Variants in TNN observed in about 807,000 individuals in gnomAD.
TNN encodes the protein tenascin-N.
TNN carries 122 observed loss-of-function variants against 134.4 expected under a neutral mutation model. The ratio of observed to expected loss-of-function variants is 0.91; its 90% CI spans 0.78 to 1.06. The LOEUF (loss-of-function observed/expected upper bound fraction) is 1.06, where lower values mean the gene tolerates loss of function less well. Ranked by LOEUF, TNN falls within the 50% of genes least tolerant of loss-of-function variation. The pLI, the probability that TNN is intolerant of heterozygous loss-of-function variation, is 0.00. For missense variants in TNN, 1,739 were observed against 1,699.4 expected (o/e 1.02, Z -0.41); for synonymous variants, 710 against 670.3 (o/e 1.06, Z -0.91).
intron 17 of TNN, among the ~76,000 whole-genome samples, chr1:175,141,185 A>T (rs1675936876): frequency 6.6e-6 from 1 of 152,200 alleles, no homozygotes; most frequent in African/African-American, 2.4e-5. Context: ...TTAGTTTCTG[A>T]TTCTGAGTCT....
At chr1:175,108,921 G>A (rs531776334) in intron 9 of TNN, among the ~76,000 whole-genome samples, 204 of 152,166 alleles carry the variant, frequency 1.3e-3, no homozygotes, top group Non-Finnish European at 2.2e-3. Context: ...GTAGTGGTGG[G>A]CTGAAGGGCT....
At position 175,116,971 on chromosome 1, in the gene TNN, C is replaced by G; in HGVS notation, c.2152C>G (p.Arg718Gly). 5.0e-6 allele frequency: 8 copies of G among 1,614,192 alleles called. No homozygotes were observed. Among genetic ancestry groups the G allele is most frequent in the Non-Finnish European group, 6.8e-6 (8 of 1,180,042 alleles). ...CAGCCCCCAAAACCTGGTGACCGAC[C>G]GGGTGACAGAGAATATGGCCACTGT... Reference protein sequence around the residue: ...IDSPQNLVTDRVTENMATVSW... With the variant: ...IDSPQNLVTDGVTENMATVSW... Residue 718 changes from arginine (R) to glycine (G), a missense_variant, in exon 10 of 19, where the codon CGG (arginine) becomes GGG (glycine). Coordinates refer to ENST00000239462, the MANE Select transcript of TNN (RefSeq NM_022093.2).
intron 2 of TNN, among the ~76,000 whole-genome samples, chr1:175,078,916 T>G (rs1482968028): frequency 6.6e-6 from 1 of 152,072 alleles, no homozygotes; most frequent in African/African-American, 2.4e-5. Flanking sequence ...TGGATCTCAC[T>G]TTCCCCCCAG....
At chr1:175,108,483 T>C (rs531740029) in intron 9 of TNN, among the ~76,000 whole-genome samples, 10 of 152,322 alleles carry the variant, frequency 6.6e-5, no homozygotes, top group African/African-American at 2.2e-4. Flanking sequence ...GGGTGGTCGA[T>C]GGGACTGGGC....
chr1:175,141,059 G>A (rs924555713), intron 17 of TNN, among the ~76,000 whole-genome samples: 1 of 152,246 alleles, frequency 6.6e-6, no homozygotes, highest in East Asian at 1.9e-4. Flanking sequence ...CTTAAGGCTT[G>A]CTCCCCACTC....
At position 175,147,222 on chromosome 1, in the gene TNN, T is replaced by A; in HGVS notation, c.*151T>A. ...TCAAGCCATGGAGGTTCCTTCCCTC[T>A]CACCTGCATTTTTGCCCGTCTTTAT... On this transcript the variant is annotated 3_prime_UTR_variant, in exon 19 of 19. Transcript: ENST00000239462. 1.3e-6 allele frequency: 1 copy of A among 756,150 alleles called. No homozygotes were observed. The highest frequency in any genetic ancestry group is 1.9e-6 in the Non-Finnish European group (1 of 525,732). 46.8% of individuals were successfully genotyped at this position (756,150 alleles called of 1,614,324 possible).
In TNN at chr1:175,147,055, G is replaced by A. The variant is rs754751918; in HGVS notation, c.3884G>A (p.Arg1295Lys). 6.3e-7 allele frequency: 1 copy of A among 1,582,864 alleles called. No homozygotes were observed. The highest frequency in any genetic ancestry group is 2.2e-5 in the East Asian group (1 of 44,464). ...LGRKKRTLRG[R>K]LRTF ...AGAAAGAAGCGGACGCTGAGAGGAAGGCTGCGAACGTTCTGATGGCCCGTG... is the reference window on the plus strand; with the variant it reads ...AGAAAGAAGCGGACGCTGAGAGGAAAGCTGCGAACGTTCTGATGGCCCGTG... The change falls in exon 19 of 19, where the codon AGG (arginine) becomes AAG (lysine). Residue 1295 changes from arginine (R) to lysine (K), a missense_variant. By Grantham distance (26) the Arg-to-Lys change is conservative. Coordinates refer to ENST00000239462, the MANE Select transcript of TNN (RefSeq NM_022093.2).
At chr1:175,094,659 T>G (rs1228814808) in intron 7 of TNN, among the ~76,000 whole-genome samples, 1 of 152,228 alleles carries the variant, frequency 6.6e-6, no homozygotes, top group African/African-American at 2.4e-5. Flanking sequence ...TGGAAATAGT[T>G]TGCATCCTAA....
rs1674306784 is a variant in TNN at position 175,085,613 on chromosome 1, G to A, written c.1324+119G>A. 7 of 743,898 alleles carry A rather than the reference G, an allele frequency of 9.4e-6. No homozygotes were observed. In the South Asian group the frequency reaches 9.7e-5, roughly 10 times the overall value. The allele number at this position is 743,898 out of a possible 1,614,324, so 46.1% of individuals were successfully genotyped here. A position where few individuals can be genotyped will look rare whatever the true frequency, so the allele number is the denominator to read the frequency against. The stretch of plus-strand genomic sequence containing the variant: ...TTTGCAGACAGACGGGGTGGCTCAC[G>A]CCTGTAATCCCAGCACTTTGGGAGG... On this transcript the variant is annotated intron_variant, in intron 6 of 18. Transcript: ENST00000239462.
intron 4 of TNN, among the ~76,000 whole-genome samples, chr1:175,083,408 G>A (rs1472162844): frequency 6.6e-6 from 1 of 152,214 alleles, no homozygotes; most frequent in African/African-American, 2.4e-5. Context: ...CAGGGCTGTA[G>A]CTGTCAGAGC....
At position 175,070,874 on chromosome 1, in the gene TNN, T is replaced by C. The variant is rs1226198586; in HGVS notation, c.-36+2939T>C. On this transcript the variant is annotated intron_variant, in intron 1 of 18. Transcript: ENST00000239462. ...GTCCTGGACCAGGTTACTTGGGAAGTACAGGGAAGGCCCCTGAGTCACCCA... is the reference window on the plus strand; with the variant it reads ...GTCCTGGACCAGGTTACTTGGGAAGCACAGGGAAGGCCCCTGAGTCACCCA... Among the ~76,000 whole-genome samples the C allele has an allele frequency of 2.6e-5, 4 of 152,262 alleles. No homozygotes were observed. In the South Asian group the frequency reaches 8.3e-4, roughly 32 times the overall value.
intron 17 of TNN, among the ~76,000 whole-genome samples, chr1:175,139,274 G>A (rs74835956): frequency 0.11 from 16,294 of 152,028 alleles, 936 homozygotes; most frequent in East Asian, 0.21. Context: ...GACTCCTTTG[G>A]AGTAACACTT....
At chr1:175,127,438 T>G (rs1288404777) in intron 13 of TNN, among the ~76,000 whole-genome samples, 5 of 152,122 alleles carry the variant, frequency 3.3e-5, no homozygotes, top group Non-Finnish European at 7.4e-5. Context: ...CCTGTCCCAA[T>G]GGAAAATTAT....
chr1:175,144,685 G>A, intron 18 of TNN, 135 bp downstream of exon 18: 1 of 973,200 alleles, frequency 1.0e-6, no homozygotes, highest in Non-Finnish European at 1.5e-6. Context: ...TTCTCCTCCA[G>A]GCTCCATGGC....
chr1:175,094,198 G>T lies in TNN; in HGVS notation c.1533G>T (p.Val511=). The T allele has an allele frequency of 6.2e-7, 1 of 1,613,660 alleles. No individual in the cohort carries two copies. The highest frequency in any genetic ancestry group is 1.1e-5 in the South Asian group (1 of 91,034). The change falls in exon 7 of 19, where the codon GTG becomes GTT. Residue 511 remains valine, a synonymous_variant. Coordinates refer to ENST00000239462, the MANE Select transcript of TNN (RefSeq NM_022093.2). ...CAGGAGAGGCATACAAGGTCTACGT[G>T]TGGGCTGAAAGGGGCAACCAGGGGA... ...LKPGEAYKVY[V]WAERGNQGSK...
chr1:175,092,104 G>A (rs1262579273), intron 6 of TNN, among the ~76,000 whole-genome samples: 1 of 152,172 alleles, frequency 6.6e-6, no homozygotes, highest in African/African-American at 2.4e-5. Context: ...GTTCTTGCTC[G>A]CTTCTTCCTG....
At chr1:175,096,572 G>A (rs1297921847) in intron 7 of TNN, among the ~76,000 whole-genome samples, 1 of 152,148 alleles carries the variant, frequency 6.6e-6, no homozygotes, top group East Asian at 1.9e-4. Context: ...TTCTAAAAGA[G>A]GATAATAAAG....
chr1:175,098,733 C>T, intron 9 of TNN, 138 bp downstream of exon 9: 5 of 1,283,238 alleles, frequency 3.9e-6, no homozygotes, highest in Non-Finnish European at 5.3e-6. Context: ...TTGTGTCCCC[C>T]TCACTTCCTT....
chr1:175,080,562 G>A (rs1245333590), intron 4 of TNN, 136 bp downstream of exon 4: 6 of 1,104,462 alleles, frequency 5.4e-6, no homozygotes, highest in Non-Finnish European at 7.8e-6. Context: ...AGGTTCTGAA[G>A]AGTCCCAGTT....
Sources: gnomAD v4.1 joint callset for allele counts (sites outside exome capture counted in the v4.1 genomes callset) on GRCh38, gnomAD v4.1.1 for gene constraint, MANE v1.5 for transcripts, NCBI Gene and HGNC (gene_info 2026-07-23, HGNC 2026-07-21) for gene names.